The following CLIP4 variants were observed in gnomAD, a reference collection of about 807,000 sequenced individuals.
The protein encoded by CLIP4 is CAP-Gly domain containing linker protein family member 4, also known as CAP-Gly domain-containing linker protein 4.
CLIP4 carries 47 observed loss-of-function variants against 73.1 expected under a neutral mutation model. The observed-to-expected ratio is 0.64, with a 90% CI of 0.51 to 0.82. The LOEUF is 0.82. Ranked by LOEUF, CLIP4 falls within the 40% of genes least tolerant of loss-of-function variation. CLIP4 has a pLI of 0.00. For missense variants in CLIP4, 874 were observed against 852.9 expected, an observed-to-expected ratio of 1.02 and a Z score of -0.31; for synonymous variants, 306 against 295.4, an observed-to-expected ratio of 1.04 and a Z score of -0.37.
intron 2 of CLIP4, among the ~76,000 whole-genome samples, chr2:29,126,338 C>T (rs1664601559): frequency 6.6e-6 from 1 of 152,090 alleles, no homozygotes; most frequent in Non-Finnish European, 1.5e-5. Context: ...AGGTTATGTT[C>T]TCATTCTGGG....
chr2:29,163,989 CT>C, intron 13 of CLIP4, 35 bp downstream of exon 13: 1 of 1,586,070 alleles, frequency 6.3e-7, no homozygotes, highest in Non-Finnish European at 8.6e-7. Context: ...TTTACAGAAA[CT>C]TTTTGTAATC....
At chr2:29,166,165 G>T (rs1252457617) in intron 13 of CLIP4, among the ~76,000 whole-genome samples, 1 of 152,056 alleles carries the variant, frequency 6.6e-6, no homozygotes, top group African/African-American at 2.4e-5. Flanking sequence ...TTTCTAATCT[G>T]AACCAGCTTT....
At chr2:29,141,603 T>A (rs989410019) in intron 6 of CLIP4, among the ~76,000 whole-genome samples, 1 of 152,262 alleles carries the variant, frequency 6.6e-6, no homozygotes. Context: ...TTGACTGTTG[T>A]TGGCTTAAAG....
In CLIP4 at chr2:29,181,976, C is replaced by A; in HGVS notation, c.*83C>A. ...TGGTAAATGGTTTACTTTATTTAGC[C>A]ATATTAAAATTTTGAAAATATAGTT... On this transcript the variant is annotated 3_prime_UTR_variant, in exon 16 of 16. Transcript: ENST00000320081. 1 of 1,215,300 alleles carries A rather than the reference C, an allele frequency of 8.2e-7. No homozygotes were observed. Among genetic ancestry groups the A allele is most frequent in the African/African-American group, 1.5e-5 (1 of 64,704 alleles). 75.3% of individuals were successfully genotyped at this position (1,215,300 alleles called of 1,614,324 possible).
chr2:29,149,566 G>GTTTGTT (rs1483062122), intron 8 of CLIP4, among the ~76,000 whole-genome samples: 27 of 151,854 alleles, frequency 1.8e-4, no homozygotes, highest in Admixed American at 1.8e-3. Context: ...TTCATCATGT[G>GTTTGTT]TTTGTTTTTA....
chr2:29,159,683 TAAAAA>T (rs56927221), intron 11 of CLIP4, among the ~76,000 whole-genome samples: 18 of 114,146 alleles, frequency 1.6e-4, no homozygotes, highest in South Asian at 6.0e-4. Context: ...CCTGTTTCTT[TAAAAA>T]AAAAAAAAAA....
At chr2:29,167,289 A>G (rs938989318) in intron 13 of CLIP4, among the ~76,000 whole-genome samples, 187 bp from the exon 14 acceptor site, 2 of 152,162 alleles carry the variant, frequency 1.3e-5, no homozygotes, top group African/African-American at 4.8e-5. Flanking sequence ...AGATAGTGAG[A>G]ACCTCTTCTA....
At chr2:29,172,953 G>T (rs1465047701) in intron 14 of CLIP4, among the ~76,000 whole-genome samples, 2 of 151,748 alleles carry the variant, frequency 1.3e-5, no homozygotes, top group Non-Finnish European at 2.9e-5. Context: ...TTTCTTTTAT[G>T]TCTTTAAATA....
In CLIP4 at chr2:29,157,395, G is replaced by A. The variant is rs59304299; in HGVS notation, c.1399+48G>A. On this transcript the variant is annotated intron_variant, in intron 11 of 15. Coordinates refer to ENST00000320081, the MANE Select transcript of CLIP4 (RefSeq NM_024692.6). ...GGCTTTCTTGGTGTTTTTTATCTTG[G>A]TTTGTTTGTAAGTAGATTTGCTCTT... is the stretch of plus-strand genomic sequence containing the variant. 2.6e-4 allele frequency: 424 copies of A among 1,613,528 alleles called. 1 individual carries two copies. The East Asian group carries it at 8.3e-3, about 31-fold the overall frequency.
At chr2:29,164,660 A>G (rs1414402274) in intron 13 of CLIP4, among the ~76,000 whole-genome samples, 3 of 152,200 alleles carry the variant, frequency 2.0e-5, no homozygotes, top group African/African-American at 4.8e-5. Context: ...GAGATAACAT[A>G]TATGGCATAA....
At chr2:29,111,945 T>G (rs1170607128), upstream of CLIP4, among the ~76,000 whole-genome samples, 1 of 152,236 alleles carries the variant, frequency 6.6e-6, no homozygotes. Context: ...CCTTTGTATA[T>G]GGCAGAACAT....
intron 14 of CLIP4, among the ~76,000 whole-genome samples, chr2:29,171,356 A>G (rs779059367): frequency 3.3e-5 from 5 of 152,096 alleles, no homozygotes; most frequent in Non-Finnish European, 5.9e-5. Flanking sequence ...TTTGGCATTA[A>G]TGTAAGTGGT....
chr2:29,138,240 C>G (rs937225857), intron 6 of CLIP4, among the ~76,000 whole-genome samples: 1 of 152,128 alleles, frequency 6.6e-6, no homozygotes, highest in African/African-American at 2.4e-5. Flanking sequence ...CCAGTTTTCC[C>G]AGCACCATCT....
chr2:29,135,659 C>T lies in CLIP4; in HGVS notation c.641C>T (p.Ala214Val). Residue 214 changes from alanine to valine, a missense_variant, in exon 6 of 16, where the codon GCA becomes GTA. Coordinates refer to ENST00000320081, the MANE Select transcript of CLIP4 (RefSeq NM_024692.6). ...KCLLEQGANPAFRNDKGQIPA... is the reference protein window; with the variant it reads ...KCLLEQGANPVFRNDKGQIPA... ...CTCTTGGAGCAGGGAGCAAATCCTGCATTTAGGGTAAGAGGTTAAATTAAA... is the reference window on the plus strand; with the variant it reads ...CTCTTGGAGCAGGGAGCAAATCCTGTATTTAGGGTAAGAGGTTAAATTAAA... The T allele has an allele frequency of 6.3e-7, 1 of 1,597,434 alleles. No homozygotes were observed. The highest frequency in any genetic ancestry group is 8.5e-7 in the Non-Finnish European group (1 of 1,170,620).
Position 29,181,559 on chromosome 2 carries a change from C to A in CLIP4, c.1797-13C>A. On this transcript the variant is annotated splice_polypyrimidine_tract_variant and intron_variant, in intron 15 of 15. Transcript: ENST00000320081. ...GCACTAAATAATTTTTCCCACTTTT[C>A]CCTTCCGCACAGATCGAAAGCTGCT... 6.5e-7 allele frequency: 1 copy of A among 1,526,942 alleles called. No individual in the cohort carries two copies. Among genetic ancestry groups the A allele is most frequent in the Non-Finnish European group, 8.8e-7 (1 of 1,134,542 alleles). The allele number at this position is 1,526,942 out of a possible 1,614,324, so 94.6% of individuals were successfully genotyped here.
rs138906439 is a variant in CLIP4 at position 29,132,328 on chromosome 2, TG to T, written c.367+88del. ...TCTATATTTATGCCCATATATTGTC[TG>T]GGGGAAGGCACCCAGCTGATGATGA... On this transcript the variant is annotated intron_variant, in intron 4 of 15. Coordinates refer to ENST00000320081, the MANE Select transcript of CLIP4 (RefSeq NM_024692.6). The T allele has an allele frequency of 3.0e-3, 3,358 of 1,119,238 alleles. 58 individuals carry two copies. In the East Asian group the frequency reaches 0.048, roughly 16 times the overall value. 69.3% of individuals were successfully genotyped at this position (1,119,238 alleles called of 1,614,324 possible). A position where few individuals can be genotyped will look rare whatever the true frequency, so the allele number is the denominator to read the frequency against.
intron 12 of CLIP4, 78 bp from the exon 13 acceptor site, chr2:29,163,753 C>G: frequency 7.2e-7 from 1 of 1,397,424 alleles, no homozygotes; most frequent in Non-Finnish European, 9.5e-7. Context: ...TAAAACACCT[C>G]GACTTTGGTT....
At chr2:29,145,857 T>C (rs576772758) in intron 8 of CLIP4, among the ~76,000 whole-genome samples, 2 of 152,310 alleles carry the variant, frequency 1.3e-5, no homozygotes, top group South Asian at 4.1e-4. Context: ...AATTGTTGTA[T>C]TTTCAGTAGA....
At chr2:29,110,742 G>A (rs1225248561), upstream of CLIP4, among the ~76,000 whole-genome samples, 1 of 152,124 alleles carries the variant, frequency 6.6e-6, no homozygotes, top group Non-Finnish European at 1.5e-5. Flanking sequence ...AGGCTGGAGT[G>A]CAGTGGCATG....
Sources: allele counts gnomAD v4.1 joint callset (sites outside exome capture counted in the v4.1 genomes callset), GRCh38; gene constraint gnomAD v4.1.1; transcripts MANE v1.5; gene names NCBI Gene and HGNC (gene_info 2026-07-23, HGNC 2026-07-21).